NEDD4: variants seen among roughly 807,000 people sequenced by gnomAD.
NEDD4 encodes the protein E3 ubiquitin-protein ligase NEDD4.
A neutral mutation model predicts 144.9 loss-of-function variants in NEDD4; 99 were observed. The observed-to-expected ratio is 0.68, with a 90% CI of 0.58 to 0.81. NEDD4 has a LOEUF of 0.81. Among genes scored for constraint, NEDD4 ranks in the 30% least tolerant of loss-of-function variants. NEDD4 has a pLI of 0.00. For missense variants in NEDD4, 985 were observed against 1,065.9 expected (o/e 0.92, Z 1.06); for synonymous variants, 318 against 350.6 (o/e 0.91, Z 1.04).
chr15:55,991,716 T>C, intron 1 of NEDD4, among the ~76,000 whole-genome samples: 1 of 152,182 alleles, frequency 6.6e-6, no homozygotes, highest in Non-Finnish European at 1.5e-5. Flanking sequence ...GAAGTACAAA[T>C]CCTTCAGCAA....
At position 55,964,650 on chromosome 15, in the gene NEDD4, GGTGTGTGTGT is replaced by G. The variant is rs60902586; in HGVS notation, c.119+1813_119+1822del. On this transcript the variant is annotated intron_variant, in intron 2 of 28. Transcript: ENST00000435532. Reference sequence around the variant, plus strand: ...GTTTTGGAGACTGAATTTTGCTGCTGGTGTGTGTGTGTGTGTGTGTGTGTGTGTGAATTTT... The same window carrying G: ...GTTTTGGAGACTGAATTTTGCTGCTGGTGTGTGTGTGTGTGTGTGAATTTT... Among the ~76,000 whole-genome samples the G allele has an allele frequency of 1.8e-4, 26 of 144,396 alleles. 1 individual carries two copies. The highest frequency in any genetic ancestry group is 1.5e-3 in the Admixed American group (21 of 14,464). 94.7% of individuals were successfully genotyped at this position (144,396 alleles called of 152,430 possible). A position where few individuals can be genotyped will look rare whatever the true frequency, so the allele number is the denominator to read the frequency against.
At chr15:55,934,859 G>GTTT (rs2036853511) in intron 4 of NEDD4, 1 of 56,082 alleles carries the variant, frequency 1.8e-5, no homozygotes, top group African/African-American at 7.3e-5. Context: ...ACAATGTTCT[G>GTTT]CTTTTTTTTT....
chr15:55,845,784 TTTTTTTC>T (rs1361506335), intron 18 of NEDD4, among the ~76,000 whole-genome samples: 3 of 128,960 alleles, frequency 2.3e-5, no homozygotes, highest in Non-Finnish European at 3.3e-5. Context: ...AAAGTTATTC[TTTTTTTC>T]TTTTTTCTTT....
At chr15:55,906,804 T>C (rs565424033) in intron 5 of NEDD4, among the ~76,000 whole-genome samples, 1 of 151,986 alleles carries the variant, frequency 6.6e-6, no homozygotes, top group Non-Finnish European at 1.5e-5. Context: ...AAATAAAAAA[T>C]AAAATTTTAG....
At chr15:55,954,452 G>A (rs2037300656) in intron 2 of NEDD4, among the ~76,000 whole-genome samples, 1 of 151,652 alleles carries the variant, frequency 6.6e-6, no homozygotes, top group African/African-American at 2.4e-5. Flanking sequence ...ATGTAATTAT[G>A]TATCTATCCC....
intron 1 of NEDD4, among the ~76,000 whole-genome samples, chr15:55,967,956 G>A (rs2037544667): frequency 6.6e-6 from 1 of 152,038 alleles, no homozygotes; most frequent in Non-Finnish European, 1.5e-5. Flanking sequence ...AGTGAGCTAT[G>A]AACACCACTG....
chr15:55,962,354 A>T (rs768455354), intron 2 of NEDD4, among the ~76,000 whole-genome samples: 29 of 152,146 alleles, frequency 1.9e-4, no homozygotes, highest in Non-Finnish European at 3.5e-4. Context: ...ATTTATTTTA[A>T]TCCATTAATG....
intron 25 of NEDD4, 23 bp from the exon 26 acceptor site, chr15:55,834,168 T>TAAAC (rs1234452226): frequency 6.2e-7 from 1 of 1,610,018 alleles, no homozygotes; most frequent in Non-Finnish European, 8.5e-7. Context: ...TGTCAAATTA[T>TAAAC]AAACAAGGAA....
At chr15:55,906,003 T>C (rs2036078851) in intron 5 of NEDD4, among the ~76,000 whole-genome samples, 1 of 152,190 alleles carries the variant, frequency 6.6e-6, no homozygotes, top group Non-Finnish European at 1.5e-5. Flanking sequence ...AAAGAAGACA[T>C]TTATGCAGCC....
At chr15:55,895,490 T>C (rs2035709992) in intron 5 of NEDD4, among the ~76,000 whole-genome samples, 2 of 152,198 alleles carry the variant, frequency 1.3e-5, no homozygotes, top group Admixed American at 1.3e-4. Context: ...TACTTTAAAA[T>C]GGATAAAAGG....
chr15:55,993,330 C>A (rs1283923841), intron 1 of NEDD4, among the ~76,000 whole-genome samples, 181 bp downstream of exon 1: 2 of 152,148 alleles, frequency 1.3e-5, no homozygotes, highest in Admixed American at 6.5e-5. Context: ...GAGCCCCCAG[C>A]GCCCGCGCGC....
At chr15:55,935,299 T>C (rs1234688973) in intron 4 of NEDD4, among the ~76,000 whole-genome samples, 1 of 152,190 alleles carries the variant, frequency 6.6e-6, no homozygotes, top group African/African-American at 2.4e-5. Context: ...TACTTACTGC[T>C]CCACTGATGG....
chr15:55,872,517 C>A, intron 6 of NEDD4, 41 bp from the exon 7 acceptor site: 1 of 895,942 alleles, frequency 1.1e-6, no homozygotes. Flanking sequence ...ATCTATAACA[C>A]CAAAAGCATG....
At chr15:55,967,440 C>CTGTGTGTGTGTGTGTGTGTG (rs200788423) in intron 1 of NEDD4, among the ~76,000 whole-genome samples, 3 of 142,260 alleles carry the variant, frequency 2.1e-5, no homozygotes, top group African/African-American at 5.2e-5. Flanking sequence ...CATAACTATG[C>CTGTGTGTGTGTGTGTGTGTG]TGTGTGTGTG....
intron 4 of NEDD4, among the ~76,000 whole-genome samples, chr15:55,925,317 A>T (rs1210220795): frequency 6.6e-6 from 1 of 152,208 alleles, no homozygotes; most frequent in East Asian, 1.9e-4. Context: ...ATAAATACAG[A>T]TTAGATTTTG....
chr15:55,973,772 A>C (rs1366899985), intron 1 of NEDD4, among the ~76,000 whole-genome samples: 1 of 151,960 alleles, frequency 6.6e-6, no homozygotes, highest in Non-Finnish European at 1.5e-5. Context: ...GGAATAGAGC[A>C]AAAGCAGTAC....
Position 55,860,700 on chromosome 15 carries a change from G to A in NEDD4, c.753C>T (p.Ser251=), listed in dbSNP as rs191994974. The part of the protein sequence containing the change: ...QRAFTTRRQI[S]EETESVDNRE... ...GGTTGTCAACACTTTCTGTTTCCTC[G>A]GATATCTGCCGCCTGGTGGTAAATG... Residue 251 remains serine (S), a synonymous_variant, in exon 10 of 29, where the codon TCC becomes TCT. Coordinates refer to ENST00000435532, the MANE Select transcript of NEDD4 (RefSeq NM_006154.4). 1.9e-5 allele frequency: 30 copies of A among 1,614,102 alleles called. No individual in the cohort carries two copies. Among genetic ancestry groups the A allele is most frequent in the Admixed American group, 1.8e-4 (11 of 60,006 alleles).
intron 4 of NEDD4, among the ~76,000 whole-genome samples, chr15:55,940,875 T>A (rs1595862815): frequency 6.6e-6 from 1 of 152,164 alleles, no homozygotes; most frequent in East Asian, 1.9e-4. Flanking sequence ...GCAATATTTT[T>A]AAATTATAAG....
intron 5 of NEDD4, among the ~76,000 whole-genome samples, chr15:55,894,400 A>T (rs1425567922): frequency 6.6e-6 from 1 of 152,184 alleles, no homozygotes; most frequent in Non-Finnish European, 1.5e-5. Context: ...ACTTTATTTA[A>T]GGAACTTGAG....
Sources: allele counts gnomAD v4.1 joint callset (sites outside exome capture counted in the v4.1 genomes callset), GRCh38; gene constraint gnomAD v4.1.1; transcripts MANE v1.5; gene names NCBI Gene and HGNC (gene_info 2026-07-23, HGNC 2026-07-21).